CSMD3: variants seen among roughly 807,000 people sequenced by gnomAD.
CSMD3 encodes the protein CUB and sushi domain-containing protein 3.
A neutral mutation model predicts 435.2 loss-of-function variants in CSMD3; 177 were observed. The observed-to-expected ratio is 0.41, with a 90% CI of 0.36 to 0.46. The LOEUF is 0.46. Ranked by LOEUF, CSMD3 falls within the 20% of genes least tolerant of loss-of-function variation. The pLI is 0.34. For missense variants in CSMD3, 4,265 were observed against 4,504.6 expected (o/e 0.95, Z 1.52); for synonymous variants, 1,656 against 1,520.5 (o/e 1.09, Z -2.07).
intron 10 of CSMD3, among the ~76,000 whole-genome samples, chr8:112,897,692 CTCTGTGTGTGTG>C (rs1320764873): frequency 5.3e-5 from 3 of 56,986 alleles, no homozygotes; most frequent in African/African-American, 1.6e-4. Context: ...CTCTCTCTCT[CTCTGTGTGTGTG>C]TGTGTGTGTG....
At chr8:112,798,486 A>G (rs190632348) in intron 13 of CSMD3, among the ~76,000 whole-genome samples, 4 of 151,748 alleles carry the variant, frequency 2.6e-5, no homozygotes, top group African/African-American at 9.7e-5. Context: ...GGAGGGAGAA[A>G]AAGTAGGGCA....
In CSMD3 at chr8:113,263,864, C is replaced by G. The variant is rs2093446597; in HGVS notation, c.514+14728G>C. Among the ~76,000 whole-genome samples, 4 of 151,688 alleles carry G rather than the reference C, an allele frequency of 2.6e-5. No individual in the cohort carries two copies. In the South Asian group the frequency reaches 8.3e-4, roughly 31 times the overall value. On this transcript the variant is annotated intron_variant, in intron 3 of 70. Coordinates refer to ENST00000297405, the MANE Select transcript of CSMD3 (RefSeq NM_198123.2). The stretch of plus-strand genomic sequence containing the variant: ...GTGTTAAAGCTGATAGTTATTATTT[C>G]AAGTACTGAGAAAATGAAATTTGAG...
intron 1 of CSMD3, among the ~76,000 whole-genome samples, chr8:113,373,173 T>G (rs1415334169): frequency 1.3e-5 from 2 of 152,112 alleles, no homozygotes; most frequent in Non-Finnish European, 2.9e-5. Flanking sequence ...AAATTTTGGC[T>G]AAAATTAGAC....
rs2074768717 is a variant in CSMD3, at chr8:112,639,771, T to A, written c.3311-860A>T. On this transcript the variant is annotated intron_variant, in intron 20 of 70. Transcript: ENST00000297405. ...TGCATAGTTGGGGGTGGTTCATTTT[T>A]GGTGATGTATAGTATGGCATTCCAC... Among the ~76,000 whole-genome samples the A allele has an allele frequency of 2.6e-5, 4 of 152,152 alleles. No homozygotes were observed. In the South Asian group the frequency reaches 8.3e-4, roughly 31 times the overall value.
intron 38 of CSMD3, among the ~76,000 whole-genome samples, chr8:112,369,428 A>G (rs1373621655): frequency 1.3e-5 from 2 of 152,210 alleles, no homozygotes; most frequent in African/African-American, 4.8e-5. Flanking sequence ...AAACTAGCAC[A>G]TTTGGTGCAA....
intron 61 of CSMD3, among the ~76,000 whole-genome samples, chr8:112,262,253 T>C (rs1387168978): frequency 2.6e-5 from 4 of 152,286 alleles, no homozygotes; most frequent in Admixed American, 6.5e-5. Flanking sequence ...ACTGACTTGT[T>C]CTATAATATA....
At position 113,210,111 on chromosome 8, in the gene CSMD3, G is replaced by C. The variant is rs536584622; in HGVS notation, c.515-36195C>G. 3.3e-5 allele frequency among the ~76,000 whole-genome samples: 5 copies of C among 151,096 alleles called. No individual in the cohort carries two copies. In the East Asian group the frequency reaches 9.8e-4, roughly 30 times the overall value. ...TATGCTCTTGGATTTTGAAAGGTTAGGTTCAGCTACTGGAAGTATCATATT... is the reference window on the plus strand; with the variant it reads ...TATGCTCTTGGATTTTGAAAGGTTACGTTCAGCTACTGGAAGTATCATATT... On this transcript the variant is annotated intron_variant, in intron 3 of 70. Coordinates refer to ENST00000297405, the MANE Select transcript of CSMD3 (RefSeq NM_198123.2).
chr8:112,378,407 C>T (rs918163004), intron 38 of CSMD3, among the ~76,000 whole-genome samples: 1 of 152,046 alleles, frequency 6.6e-6, no homozygotes, highest in South Asian at 2.1e-4. Flanking sequence ...AGCGAAGACA[C>T]GGAATCAACC....
intron 38 of CSMD3, among the ~76,000 whole-genome samples, chr8:112,360,864 T>C (rs1163015345): frequency 6.6e-6 from 1 of 151,874 alleles, no homozygotes; most frequent in Non-Finnish European, 1.5e-5. Context: ...GCTTCATTCA[T>C]TTTTTTGCAG....
At chr8:113,405,874 T>A (rs1022132222) in intron 1 of CSMD3, among the ~76,000 whole-genome samples, 3 of 151,848 alleles carry the variant, frequency 2.0e-5, no homozygotes, top group Non-Finnish European at 4.4e-5. Flanking sequence ...CATTGTAGAA[T>A]ATTCATGATT....
intron 10 of CSMD3, among the ~76,000 whole-genome samples, chr8:112,911,723 ATAAT>A (rs1267129758): frequency 1.4e-3 from 201 of 147,786 alleles, no homozygotes; most frequent in African/African-American, 4.8e-3. Context: ...TATGTTATAT[ATAAT>A]TATGTATTAT....
At chr8:112,927,066 T>C (rs1202654358) in intron 9 of CSMD3, among the ~76,000 whole-genome samples, 1 of 152,124 alleles carries the variant, frequency 6.6e-6, no homozygotes, top group African/African-American at 2.4e-5. Flanking sequence ...AAAATAACTA[T>C]TACCAAAATG....
At chr8:112,268,052 G>C (rs1379405350) in intron 59 of CSMD3, among the ~76,000 whole-genome samples, 1 of 151,960 alleles carries the variant, frequency 6.6e-6, no homozygotes, top group Non-Finnish European at 1.5e-5. Context: ...AAATACCATT[G>C]CATAATAAGA....
intron 10 of CSMD3, among the ~76,000 whole-genome samples, chr8:112,917,303 C>A (rs562848848): frequency 2.0e-5 from 3 of 151,872 alleles, no homozygotes; most frequent in Non-Finnish European, 4.4e-5. Context: ...TATTGTGTGG[C>A]AAAGACAGTA....
At chr8:112,968,095 GA>G (rs554268559) in intron 7 of CSMD3, among the ~76,000 whole-genome samples, 39 of 146,828 alleles carry the variant, frequency 2.7e-4, no homozygotes, top group East Asian at 1.6e-3. Flanking sequence ...ATTGGGCCCA[GA>G]AAAAAAAAAG....
chr8:112,889,158 G>A (rs993943312), intron 10 of CSMD3, among the ~76,000 whole-genome samples: 1 of 151,572 alleles, frequency 6.6e-6, no homozygotes, highest in African/African-American at 2.4e-5. Flanking sequence ...CTGCCCCTAC[G>A]TTTTTCACAT....
rs376228618 is a variant in CSMD3, at chr8:113,301,055, G to GATGTTCATGTATGATTCATAC, written c.401+13495_401+13515dup. Among the ~76,000 whole-genome samples, 361 of 152,158 alleles carry GATGTTCATGTATGATTCATAC rather than the reference G, an allele frequency of 2.4e-3. 1 individual carries two copies. Among genetic ancestry groups the GATGTTCATGTATGATTCATAC allele is most frequent in the African/African-American group, 7.9e-3 (328 of 41,502 alleles). On this transcript the variant is annotated intron_variant, in intron 2 of 70. Coordinates refer to ENST00000297405, the MANE Select transcript of CSMD3 (RefSeq NM_198123.2). ...ATAATTAAACGTGATGTTGCTTAGG[G>GATGTTCATGTATGATTCATAC]ATGTTCATGTATGATTCATACATGT...
chr8:112,935,674 A>T (rs1052875790), intron 9 of CSMD3, among the ~76,000 whole-genome samples: 7 of 151,656 alleles, frequency 4.6e-5, no homozygotes, highest in Non-Finnish European at 8.8e-5. Flanking sequence ...AGTGGGAAAT[A>T]AGAAGAATGA....
At chr8:112,947,306 T>C (rs187719254) in intron 9 of CSMD3, among the ~76,000 whole-genome samples, 1 of 151,976 alleles carries the variant, frequency 6.6e-6, no homozygotes, top group African/African-American at 2.4e-5. Flanking sequence ...GTGATGGATA[T>C]AAAACTTCTA....
Sources: allele counts gnomAD v4.1 joint callset (sites outside exome capture counted in the v4.1 genomes callset), GRCh38; gene constraint gnomAD v4.1.1; transcripts MANE v1.5; gene names NCBI Gene and HGNC (gene_info 2026-07-23, HGNC 2026-07-21).